The following MDGA2 variants were observed in gnomAD, a reference collection of about 807,000 sequenced individuals.
The protein encoded by MDGA2 is MAM domain containing glycosylphosphatidylinositol anchor 2, also known as MAM domain-containing glycosylphosphatidylinositol anchor protein 2.
MDGA2 carries 40 observed loss-of-function variants against 117.8 expected under a neutral mutation model. The observed-to-expected ratio is 0.34, with a 90% CI of 0.26 to 0.44. The LOEUF is 0.44. MDGA2 is among the 20% of genes least tolerant of loss of function. The probability of loss-of-function intolerance (pLI) is 1.00; values close to 1 mark genes in which losing one functional copy is unlikely to be tolerated. For missense variants in MDGA2, 1,123 were observed against 1,250.6 expected, an observed-to-expected ratio of 0.90 and a Z score of 1.54; for synonymous variants, 452 against 439.0, an observed-to-expected ratio of 1.03 and a Z score of -0.37.
At chr14:47,355,834 G>A (rs974684926) in intron 1 of MDGA2, among the ~76,000 whole-genome samples, 9 of 152,158 alleles carry the variant, frequency 5.9e-5, no homozygotes, top group Non-Finnish European at 1.3e-4. Context: ...AACCCTGAGT[G>A]GGAACTCTCA....
Position 46,922,508 on chromosome 14 carries a change from T to A in MDGA2, c.2090-2348A>T, listed in dbSNP as rs184983760. Among the ~76,000 whole-genome samples, 314 of 152,284 alleles carry A rather than the reference T, an allele frequency of 2.1e-3. 3 individuals are homozygous for A. The highest frequency in any genetic ancestry group is 8.9e-3 in the South Asian group (43 of 4,826). On this transcript the variant is annotated intron_variant, in intron 9 of 16. Coordinates refer to ENST00000399232, the MANE Select transcript of MDGA2 (RefSeq NM_001113498.3). ...CGGAGGAACTGGCACTTCAAAATTA[T>A]CTCATAACATTAAAAAAGTTCCTCT... is the stretch of plus-strand genomic sequence containing the variant.
At chr14:47,191,260 T>C (rs1025835200) in intron 3 of MDGA2, among the ~76,000 whole-genome samples, 1 of 151,756 alleles carries the variant, frequency 6.6e-6, no homozygotes, top group South Asian at 2.1e-4. Flanking sequence ...CCTACCATAA[T>C]GTTCTTACAT....
At chr14:47,367,835 TTATC>T (rs1312620240) in intron 1 of MDGA2, among the ~76,000 whole-genome samples, 1 of 152,222 alleles carries the variant, frequency 6.6e-6, no homozygotes, top group East Asian at 1.9e-4. Context: ...CTAAATAAGA[TTATC>T]TATTACTAAA....
chr14:47,078,002 T>A (rs554873560), intron 6 of MDGA2, among the ~76,000 whole-genome samples: 1 of 152,098 alleles, frequency 6.6e-6, no homozygotes, highest in African/African-American at 2.4e-5. Flanking sequence ...GCTTAAAACA[T>A]CAGGCCAAGA....
At chr14:47,073,275 A>G (rs1435437883) in intron 6 of MDGA2, among the ~76,000 whole-genome samples, 3 of 152,166 alleles carry the variant, frequency 2.0e-5, no homozygotes, top group Non-Finnish European at 4.4e-5. Flanking sequence ...TTTCTGGGAG[A>G]GTCAATATAG....
intron 1 of MDGA2, among the ~76,000 whole-genome samples, chr14:47,461,514 A>G (rs567296979): frequency 2.0e-5 from 3 of 152,188 alleles, no homozygotes; most frequent in Admixed American, 6.5e-5. Context: ...AGCAATTTAA[A>G]TTTTCTGTAG....
At chr14:47,500,272 A>G (rs561344536) in intron 1 of MDGA2, among the ~76,000 whole-genome samples, 1 of 152,274 alleles carries the variant, frequency 6.6e-6, no homozygotes, top group South Asian at 2.1e-4. Context: ...TAGAGGCCTC[A>G]GCCCGTAACA....
At chr14:46,998,673 T>C (rs1887390549) in intron 8 of MDGA2, among the ~76,000 whole-genome samples, 1 of 152,128 alleles carries the variant, frequency 6.6e-6, no homozygotes, top group Non-Finnish European at 1.5e-5. Context: ...AAAATCATTT[T>C]TCAAACCTCT....
chr14:47,225,544 A>G (rs1414861704), intron 2 of MDGA2, among the ~76,000 whole-genome samples: 4 of 67,780 alleles, frequency 5.9e-5, no homozygotes, highest in African/African-American at 2.8e-4. Context: ...CATCATTCTC[A>G]GTAAACTATC....
intron 8 of MDGA2, among the ~76,000 whole-genome samples, chr14:46,996,150 C>CT (rs1426023809): frequency 6.6e-6 from 1 of 152,082 alleles, no homozygotes; most frequent in Non-Finnish European, 1.5e-5. Flanking sequence ...TTAGGAAAAG[C>CT]TTTTTATTGT....
At chr14:47,500,366 T>C (rs1041977910) in intron 1 of MDGA2, among the ~76,000 whole-genome samples, 15 of 152,054 alleles carry the variant, frequency 9.9e-5, no homozygotes, top group Admixed American at 8.5e-4. Flanking sequence ...AATAAGAAAA[T>C]CAACACTACA....
At chr14:47,391,663 G>T (rs1891898235) in intron 1 of MDGA2, among the ~76,000 whole-genome samples, 1 of 152,056 alleles carries the variant, frequency 6.6e-6, no homozygotes, top group African/African-American at 2.4e-5. Context: ...TTAAATGTCA[G>T]GTTTGATCTT....
chr14:47,000,377 T>TATATA (rs1566567792), intron 8 of MDGA2, among the ~76,000 whole-genome samples: 4 of 100,012 alleles, frequency 4.0e-5, no homozygotes, highest in African/African-American at 1.3e-4. Context: ...ATATATATAT[T>TATATA]TATATATATA....
chr14:47,419,559 T>A (rs1316652664), intron 1 of MDGA2, among the ~76,000 whole-genome samples: 2 of 152,136 alleles, frequency 1.3e-5, no homozygotes, highest in African/African-American at 4.8e-5. Flanking sequence ...TCTTGTATTT[T>A]TAACTACACT....
At chr14:47,380,492 G>C (rs376516824) in intron 1 of MDGA2, among the ~76,000 whole-genome samples, 1 of 93,514 alleles carries the variant, frequency 1.1e-5, no homozygotes, top group Non-Finnish European at 2.4e-5. Flanking sequence ...ATAAAGAAGA[G>C]AGAAGAATCA....
intron 5 of MDGA2, 74 bp from the exon 6 acceptor site, chr14:47,097,197 T>C (rs1880025230): frequency 6.7e-7 from 1 of 1,489,932 alleles, no homozygotes; most frequent in East Asian, 2.3e-5. Flanking sequence ...ATGCATTATA[T>C]TGGTTCATTC....
chr14:47,479,587 T>C (rs564925849), intron 1 of MDGA2, among the ~76,000 whole-genome samples: 70 of 152,282 alleles, frequency 4.6e-4, no homozygotes, highest in African/African-American at 1.7e-3. Flanking sequence ...AGGTGTAAAC[T>C]GTGCAATCTA....
At chr14:46,854,931 T>G in intron 15 of MDGA2, 93 bp downstream of exon 15, 1 of 1,159,878 alleles carries the variant, frequency 8.6e-7, no homozygotes, top group African/African-American at 1.6e-5. Context: ...ATCGTGGAAT[T>G]TCTGAATATT....
chr14:47,509,083 T>C (rs1424784897), intron 1 of MDGA2, among the ~76,000 whole-genome samples: 1 of 152,150 alleles, frequency 6.6e-6, no homozygotes, highest in Admixed American at 6.6e-5. Context: ...TTACTCAACG[T>C]TCACACACTT....
Sources: allele counts gnomAD v4.1 joint callset (sites outside exome capture counted in the v4.1 genomes callset), GRCh38; gene constraint gnomAD v4.1.1; transcripts MANE v1.5; gene names NCBI Gene and HGNC (gene_info 2026-07-23, HGNC 2026-07-21).